Variants in COQ8A observed in about 807,000 individuals in gnomAD.
COQ8A encodes the protein atypical kinase COQ8A, mitochondrial.
A neutral mutation model predicts 65.0 loss-of-function variants in COQ8A; 51 were observed. That is an observed-to-expected ratio of 0.78 (90% CI 0.63 to 0.99). The LOEUF (loss-of-function observed/expected upper bound fraction) is 0.99, where lower values mean the gene tolerates loss of function less well. Ranked by LOEUF, COQ8A falls within the 50% of genes least tolerant of loss-of-function variation. The pLI, the probability that COQ8A is intolerant of heterozygous loss-of-function variation, is 0.00. For missense variants in COQ8A, 940 were observed against 875.0 expected, an observed-to-expected ratio of 1.07 and a Z score of -0.94; for synonymous variants, 371 against 353.2, an observed-to-expected ratio of 1.05 and a Z score of -0.57.
Position 226,977,434 on chromosome 1 carries a change from C to T in COQ8A, c.656-15C>T, listed in dbSNP as rs546978574. ...CCTGCGTGAGCACTGAGTGCCCGCC[C>T]CCTCCTCCTTGCAGGTCTGGCCGTG... On this transcript the variant is annotated splice_polypyrimidine_tract_variant and intron_variant, in intron 4 of 14. Coordinates refer to ENST00000366777, the MANE Select transcript of COQ8A (RefSeq NM_020247.5). 9.6e-6 allele frequency: 15 copies of T among 1,554,940 alleles called. No individual in the cohort carries two copies. The Middle Eastern group carries it at 1.7e-3, about 181-fold the overall frequency.
chr1:226,983,605 G>A lies in COQ8A; in HGVS notation c.1134G>A (p.Val378=), dbSNP rs1659853822. Residue 378 remains valine (V), a synonymous_variant, in exon 9 of 15, where the codon GTG becomes GTA. Transcript: ENST00000366777. ...GTGATGTCAACAACCTCATGGCCGT[G>A]TTGAACATGAGCAACATGCTTCCAG... ...INSDVNNLMA[V]LNMSNMLPEG... is the part of the protein sequence containing the mutation. 3.1e-6 allele frequency: 5 copies of A among 1,613,894 alleles called. No individual in the cohort carries two copies. In the Admixed American group the frequency reaches 5.0e-5, roughly 16 times the overall value.
intron 4 of COQ8A, among the ~76,000 whole-genome samples, chr1:226,966,600 G>T (rs1199406526): frequency 6.6e-6 from 1 of 152,208 alleles, no homozygotes; most frequent in South Asian, 2.1e-4. Flanking sequence ...TGAGTGGTTA[G>T]TTCCAGGGCT....
Position 226,956,282 on chromosome 1 carries a change from T to TCCCAC in COQ8A, c.-9-5095_-9-5094insCCCAC, listed in dbSNP as rs1172848103. Among the ~76,000 whole-genome samples, 3 of 85,984 alleles carry TCCCAC rather than the reference T, an allele frequency of 3.5e-5. 1 individual carries two copies. The highest frequency in any genetic ancestry group is 5.7e-5 in the African/African-American group (1 of 17,526). 56.4% of individuals were successfully genotyped at this position (85,984 alleles called of 152,430 possible). A position where few individuals can be genotyped will look rare whatever the true frequency, so the allele number is the denominator to read the frequency against. On this transcript the variant is annotated intron_variant, in intron 1 of 14. Transcript: ENST00000366777. ...CTCCCTGGTTCACACTCTCCCTGGC[T>TCCCAC]TCCACTCTCCCTGGTTCACACTCTC...
rs1659629988 is a variant in COQ8A at position 226,980,653 on chromosome 1, T to TCA, written c.731-1373_731-1372dup. Among the ~76,000 whole-genome samples the TCA allele has an allele frequency of 2.0e-5, 3 of 152,282 alleles. No homozygotes were observed. The South Asian group carries it at 6.2e-4, about 32-fold the overall frequency. ...CTCTTGGACTCGCTCTGCCCATGGGTCATAGCTCAGCCTCCCAGGGCAGCT... is the reference window on the plus strand; with the variant it reads ...CTCTTGGACTCGCTCTGCCCATGGGTCACATAGCTCAGCCTCCCAGGGCAGCT... On this transcript the variant is annotated intron_variant, in intron 5 of 14. Transcript: ENST00000366777.
At chr1:226,984,801 C>T in intron 12 of COQ8A, 75 bp from the exon 13 acceptor site, 1 of 1,539,660 alleles carries the variant, frequency 6.5e-7, no homozygotes, top group Non-Finnish European at 9.0e-7. Flanking sequence ...CCCTCTGTTG[C>T]ACCCCCTTCC....
chr1:226,967,935 G>A (rs769034493), intron 4 of COQ8A, among the ~76,000 whole-genome samples: 1 of 152,236 alleles, frequency 6.6e-6, no homozygotes, highest in Non-Finnish European at 1.5e-5. Flanking sequence ...AGGAAAGAAC[G>A]TGCCGTTCTG....
At chr1:226,966,015 G>A (rs1376988749) in intron 4 of COQ8A, among the ~76,000 whole-genome samples, 1 of 152,276 alleles carries the variant, frequency 6.6e-6, no homozygotes, top group African/African-American at 2.4e-5. Context: ...GGCCTCGCCT[G>A]GAGGCGGTGT....
intron 4 of COQ8A, among the ~76,000 whole-genome samples, chr1:226,968,923 G>A (rs757809222): frequency 2.6e-5 from 4 of 152,158 alleles, no homozygotes; most frequent in Non-Finnish European, 5.9e-5. Context: ...ATTGGATATG[G>A]GGTCAGAACT....
At chr1:226,940,447 C>T (rs1307623250) in intron 1 of COQ8A, 48 bp downstream of exon 1, 1 of 152,334 alleles carries the variant, frequency 6.6e-6, no homozygotes, top group Non-Finnish European at 1.5e-5. Flanking sequence ...CGCCGTCTGG[C>T]TGCGGCCAGA....
In COQ8A at chr1:226,961,694, T is replaced by TG. The variant is rs1658264315; in HGVS notation, c.177+133dup. 8.0e-6 allele frequency: 9 copies of TG among 1,123,904 alleles called. 1 individual carries two copies. Among genetic ancestry groups the TG allele is most frequent in the Non-Finnish European group, 9.9e-6 (8 of 806,062 alleles). 69.6% of individuals were successfully genotyped at this position (1,123,904 alleles called of 1,614,324 possible). A position where few individuals can be genotyped will look rare whatever the true frequency, so the allele number is the denominator to read the frequency against. ...GGGCCTGAGGGCCCACCAGCTAATGTGTCCCACGGTCCTTCCAGGGTGGGA... is the reference window on the plus strand; with the variant it reads ...GGGCCTGAGGGCCCACCAGCTAATGTGGTCCCACGGTCCTTCCAGGGTGGGA... On this transcript the variant is annotated intron_variant, in intron 2 of 14. Coordinates refer to ENST00000366777, the MANE Select transcript of COQ8A (RefSeq NM_020247.5).
Position 226,965,314 on chromosome 1 carries a change from C to G in COQ8A, c.492C>G (p.His164Gln). The change falls in exon 3 of 15, where the codon CAC (histidine) becomes CAG (glutamine). Residue 164 changes from histidine to glutamine, a missense_variant. His to Gln is a conservative substitution (Grantham distance 24, BLOSUM62 0). Transcript: ENST00000366777. Reference protein sequence around the residue: ...SAMGFQRRFFHQDQSPVGGLT... With the variant: ...SAMGFQRRFFQQDQSPVGGLT... ...TGGGCTTTCAGCGAAGGTTCTTCCA[C>G]CAGGACCAATCCCCTGTTGGGGGCC... 1.2e-6 allele frequency: 2 copies of G among 1,613,846 alleles called. No homozygotes were observed. Among genetic ancestry groups the G allele is most frequent in the South Asian group, 2.2e-5 (2 of 91,020 alleles).
intron 1 of COQ8A, among the ~76,000 whole-genome samples, chr1:226,954,947 A>C (rs1449721591): frequency 1.3e-5 from 2 of 151,986 alleles, no homozygotes; most frequent in Non-Finnish European, 2.9e-5. Flanking sequence ...AGAAGAGGTG[A>C]TGTTGGTGCT....
In COQ8A at chr1:226,965,150, G is replaced by A. The variant is rs1189620039; in HGVS notation, c.328G>A (p.Ala110Thr). The A allele has an allele frequency of 1.9e-6, 3 of 1,613,764 alleles. No individual in the cohort carries two copies. The highest frequency in any genetic ancestry group is 2.5e-6 in the Non-Finnish European group (3 of 1,180,044). Residue 110 changes from alanine (A) to threonine (T), a missense_variant, in exon 3 of 15, where the codon GCC (alanine) becomes ACC (threonine). Coordinates refer to ENST00000366777, the MANE Select transcript of COQ8A (RefSeq NM_020247.5). ...GTCAGCGCCCCCATCCCTGGGTCATGCCCACAGCGAGGGCCCAGCTCCTGC... is the reference window on the plus strand; with the variant it reads ...GTCAGCGCCCCCATCCCTGGGTCATACCCACAGCGAGGGCCCAGCTCCTGC... ...DQSAPPSLGH[A>T]HSEGPAPAYV...
chr1:226,956,726 A>ATT (rs1657791682), intron 1 of COQ8A, among the ~76,000 whole-genome samples: 1 of 52,156 alleles, frequency 1.9e-5, no homozygotes, highest in Non-Finnish European at 3.6e-5. Context: ...CCTGGCTGCC[A>ATT]CTCCCTGGTT....
chr1:226,970,801 A>G (rs888409623), intron 4 of COQ8A, among the ~76,000 whole-genome samples: 1 of 152,126 alleles, frequency 6.6e-6, no homozygotes, highest in Non-Finnish European at 1.5e-5. Context: ...ATTTACCCAC[A>G]TATTTGCCCT....
At chr1:226,980,224 C>CCTGG (rs1464894945) in intron 5 of COQ8A, among the ~76,000 whole-genome samples, 1 of 152,238 alleles carries the variant, frequency 6.6e-6, no homozygotes, top group Non-Finnish European at 1.5e-5. Context: ...CTGCCGTAGC[C>CCTGG]CTGGGCCCAT....
chr1:226,961,209 G>T (rs184738364), intron 1 of COQ8A, among the ~76,000 whole-genome samples, 168 bp from the exon 2 acceptor site: 21 of 152,332 alleles, frequency 1.4e-4, no homozygotes, highest in Non-Finnish European at 2.9e-4. Flanking sequence ...AGAGTCACGT[G>T]GAGCCTCCCT....
At chr1:226,947,063 G>A (rs1489054112) in intron 1 of COQ8A, among the ~76,000 whole-genome samples, 1 of 152,246 alleles carries the variant, frequency 6.6e-6, no homozygotes, top group East Asian at 1.9e-4. Flanking sequence ...TGGCCAGATG[G>A]CCTTTGAGAG....
intron 14 of COQ8A, among the ~76,000 whole-genome samples, chr1:226,985,655 C>T (rs543145891): frequency 9.2e-5 from 14 of 152,316 alleles, no homozygotes; most frequent in African/African-American, 3.4e-4. Context: ...GAAGCCCCAG[C>T]CCTCCCCTCA....
Sources: allele counts gnomAD v4.1 joint callset (sites outside exome capture counted in the v4.1 genomes callset), GRCh38; gene constraint gnomAD v4.1.1; transcripts MANE v1.5; gene names NCBI Gene and HGNC (gene_info 2026-07-23, HGNC 2026-07-21).